The following NAALADL2 variants were observed in gnomAD, a reference collection of about 807,000 sequenced individuals.
NAALADL2 encodes the protein inactive N-acetylated-alpha-linked acidic dipeptidase-like protein 2.
NAALADL2 carries 76 observed loss-of-function variants against 87.2 expected under a neutral mutation model. The observed-to-expected ratio is 0.87, with a 90% CI of 0.72 to 1.05. NAALADL2 has a LOEUF of 1.05. NAALADL2 is among the 50% of genes least tolerant of loss of function. The pLI is 0.00. For synonymous variants in NAALADL2, 354 were observed against 331.0 expected (o/e 1.07, Z -0.75); for missense variants, 1,089 against 945.8 (o/e 1.15, Z -1.99).
intron 13 of NAALADL2, among the ~76,000 whole-genome samples, chr3:175,792,322 A>G (rs1212988616): frequency 6.6e-6 from 1 of 151,980 alleles, no homozygotes; most frequent in Non-Finnish European, 1.5e-5. Context: ...TGATGTTTCT[A>G]GTTTTTGTAA....
intron 2 of NAALADL2, among the ~76,000 whole-genome samples, chr3:175,207,624 T>A (rs1179993081): frequency 6.6e-6 from 1 of 152,166 alleles, no homozygotes; most frequent in Non-Finnish European, 1.5e-5. Flanking sequence ...TCTGCATCCT[T>A]TAGTTGCTTA....
At chr3:175,508,066 C>T (rs1375674651) in intron 9 of NAALADL2, among the ~76,000 whole-genome samples, 1 of 152,176 alleles carries the variant, frequency 6.6e-6, no homozygotes, top group Non-Finnish European at 1.5e-5. Context: ...AGGCACATCA[C>T]ATGACAAAGG....
At chr3:174,563,293 TG>T (rs1713851567) in intron 2 of NAALADL2, among the ~76,000 whole-genome samples, 1 of 151,580 alleles carries the variant, frequency 6.6e-6, no homozygotes, top group South Asian at 2.1e-4. Flanking sequence ...ATAAACCTTT[TG>T]GTGATATCAA....
intron 3 of NAALADL2, among the ~76,000 whole-genome samples, chr3:175,252,800 G>A (rs1214851781): frequency 4.6e-5 from 7 of 152,170 alleles, no homozygotes; most frequent in African/African-American, 1.7e-4. Flanking sequence ...CTGATATGGA[G>A]AAAGTTTGAG....
intron 9 of NAALADL2, among the ~76,000 whole-genome samples, chr3:175,510,170 G>A (rs1388598414): frequency 4.6e-5 from 7 of 152,042 alleles, no homozygotes; most frequent in Admixed American, 1.3e-4. Context: ...TGTGCGAGCC[G>A]AGTGAAAGGG....
intron 4 of NAALADL2, among the ~76,000 whole-genome samples, chr3:175,258,337 A>AG (rs1419474749): frequency 6.6e-6 from 1 of 151,362 alleles, no homozygotes; most frequent in African/African-American, 2.4e-5. Context: ...AAAAAAAAAA[A>AG]AAAAAAGAAA....
chr3:175,772,010 T>C (rs1749555319), intron 13 of NAALADL2, among the ~76,000 whole-genome samples: 1 of 152,248 alleles, frequency 6.6e-6, no homozygotes, highest in Non-Finnish European at 1.5e-5. Context: ...TACCCTCTAC[T>C]GGGTCCCTCC....
intron 3 of NAALADL2, among the ~76,000 whole-genome samples, chr3:174,825,179 G>A (rs1169344043): frequency 6.6e-6 from 1 of 152,248 alleles, no homozygotes; most frequent in African/African-American, 2.4e-5. Context: ...GATGGAGGCT[G>A]AGAAGTCTCA....
At chr3:175,470,907 C>T (rs2161043) in intron 8 of NAALADL2, among the ~76,000 whole-genome samples, 1 of 151,810 alleles carries the variant, frequency 6.6e-6, no homozygotes, top group Non-Finnish European at 1.5e-5. Flanking sequence ...TTTTGTGCAG[C>T]GTAGCTCATT....
At chr3:175,440,377 G>A (rs543311277) in intron 5 of NAALADL2, among the ~76,000 whole-genome samples, 1 of 151,906 alleles carries the variant, frequency 6.6e-6, no homozygotes, top group Non-Finnish European at 1.5e-5. Flanking sequence ...GGCTCTTTTT[G>A]GTTCCATATG....
intron 3 of NAALADL2, among the ~76,000 whole-genome samples, chr3:174,786,979 T>C (rs1716753168): frequency 6.6e-6 from 1 of 152,052 alleles, no homozygotes; most frequent in African/African-American, 2.4e-5. Context: ...ACAAATCAGA[T>C]AAAAATAAAT....
chr3:175,433,855 T>C (rs938803061), intron 5 of NAALADL2, among the ~76,000 whole-genome samples: 2 of 151,998 alleles, frequency 1.3e-5, no homozygotes, highest in African/African-American at 4.8e-5. Context: ...ATTAATAGAA[T>C]ATTTCTGACT....
intron 2 of NAALADL2, among the ~76,000 whole-genome samples, chr3:174,612,201 C>T (rs1719982247): frequency 6.6e-6 from 1 of 152,092 alleles, no homozygotes; most frequent in Non-Finnish European, 1.5e-5. Context: ...TTTTTCTCCT[C>T]TTGCTGCTTT....
At chr3:175,065,005 C>A (rs76326947) in intron 1 of NAALADL2, among the ~76,000 whole-genome samples, 16,988 of 151,876 alleles carry the variant, frequency 0.11, 1,083 homozygotes, top group East Asian at 0.21. Context: ...TCGACAATTA[C>A]ATATATTAAT....
At chr3:175,216,834 AATTTTTGT>A (rs1490506319) in intron 2 of NAALADL2, among the ~76,000 whole-genome samples, 1 of 151,552 alleles carries the variant, frequency 6.6e-6, no homozygotes, top group Non-Finnish European at 1.5e-5. Flanking sequence ...ATGCCCAGCT[AATTTTTGT>A]ATTTTTAGGA....
At chr3:174,793,912 G>A (rs1009751224) in intron 3 of NAALADL2, among the ~76,000 whole-genome samples, 1 of 151,606 alleles carries the variant, frequency 6.6e-6, no homozygotes, top group East Asian at 1.9e-4. Flanking sequence ...ATACAGTTGC[G>A]ACCATTCAGA....
At position 175,423,976 on chromosome 3, in the gene NAALADL2, C is replaced by T. The variant is rs138987092; in HGVS notation, c.1091-23253C>T. ...AGCCTTTCTAACTGGTGTGAGATGG[C>T]ATCTCATTGTGGTTTTGATTTGCAT... On this transcript the variant is annotated intron_variant, in intron 5 of 13. Transcript: ENST00000454872. Among the ~76,000 whole-genome samples, 491 of 152,222 alleles carry T rather than the reference C, an allele frequency of 3.2e-3. 2 individuals are homozygous for T. Among genetic ancestry groups the T allele is most frequent in the African/African-American group, 0.011 (442 of 41,562 alleles).
chr3:174,467,107 A>G (rs1237125282), intron 1 of NAALADL2, among the ~76,000 whole-genome samples: 1 of 152,182 alleles, frequency 6.6e-6, no homozygotes, highest in Admixed American at 6.5e-5. Flanking sequence ...ACACTGAGAA[A>G]CTTCAAGTAC....
chr3:175,349,357 G>A (rs1054517563), intron 5 of NAALADL2, among the ~76,000 whole-genome samples: 6 of 152,108 alleles, frequency 3.9e-5, no homozygotes, highest in African/African-American at 1.4e-4. Flanking sequence ...CATGTACCAA[G>A]GCCAGGTGGC....
Sources: gnomAD v4.1 joint callset for allele counts (sites outside exome capture counted in the v4.1 genomes callset) on GRCh38, gnomAD v4.1.1 for gene constraint, MANE v1.5 for transcripts, NCBI Gene and HGNC (gene_info 2026-07-23, HGNC 2026-07-21) for gene names.